The following SEC23IP variants were observed in gnomAD, a reference collection of about 807,000 sequenced individuals.
The protein encoded by SEC23IP is SEC23-interacting protein.
A neutral mutation model predicts 113.4 loss-of-function variants in SEC23IP; 70 were observed. The ratio of observed to expected loss-of-function variants is 0.62; its 90% CI spans 0.51 to 0.75. The LOEUF is 0.75. Ranked by LOEUF, SEC23IP falls within the 30% of genes least tolerant of loss-of-function variation. SEC23IP has a pLI of 0.00. For synonymous variants in SEC23IP, 398 were observed against 421.0 expected, an observed-to-expected ratio of 0.95 and a Z score of 0.67; for missense variants, 1,160 against 1,204.9, an observed-to-expected ratio of 0.96 and a Z score of 0.55.
At chr10:119,925,695 C>T (rs1855396642) in intron 12 of SEC23IP, among the ~76,000 whole-genome samples, 1 of 151,950 alleles carries the variant, frequency 6.6e-6, no homozygotes, top group Admixed American at 6.6e-5. Context: ...GTGTGCACTA[C>T]CAGGCCTGGC....
chr10:119,912,658 T>TC (rs1854905266), intron 6 of SEC23IP, among the ~76,000 whole-genome samples: 1 of 150,082 alleles, frequency 6.7e-6, no homozygotes, highest in Non-Finnish European at 1.5e-5. Flanking sequence ...TTTTTTTTTT[T>TC]CAGACAGGGT....
chr10:119,934,702 T>C (rs866651562), intron 18 of SEC23IP, among the ~76,000 whole-genome samples: 3 of 152,258 alleles, frequency 2.0e-5, no homozygotes, highest in African/African-American at 4.8e-5. Flanking sequence ...GGTTTTCTAA[T>C]AGTAAGTGGT....
At chr10:119,897,271 A>G (rs1854310676) in intron 1 of SEC23IP, among the ~76,000 whole-genome samples, 1 of 152,252 alleles carries the variant, frequency 6.6e-6, no homozygotes, top group African/African-American at 2.4e-5. Context: ...AAAGTTTCGT[A>G]AGGAATAATA....
At chr10:119,912,011 T>C (rs764309176) in intron 5 of SEC23IP, 33 bp from the exon 6 acceptor site, 1 of 1,611,100 alleles carries the variant, frequency 6.2e-7, no homozygotes, top group Non-Finnish European at 8.5e-7. Context: ...AATTTGTTAA[T>C]GAGCTTTGTC....
intron 1 of SEC23IP, among the ~76,000 whole-genome samples, chr10:119,893,897 C>G (rs1291442343): frequency 6.6e-6 from 1 of 152,150 alleles, no homozygotes; most frequent in Non-Finnish European, 1.5e-5. Flanking sequence ...ATGTGCACTC[C>G]TAGCTCTTTT....
rs1312984561 is a variant in SEC23IP, at chr10:119,929,657, C to A, written c.2364C>A (p.Ala788=). Residue 788 remains alanine, a synonymous_variant, in exon 14 of 19, where the codon GCC becomes GCA. Coordinates refer to ENST00000369075, the MANE Select transcript of SEC23IP (RefSeq NM_007190.4). ...SLDFEPEIFF[A]LGSPIAMFLT... ...ATTTTGAACCAGAGATATTCTTTGC[C>A]TTGGGGTCTCCAATTGCTATGTTTC... 6.2e-7 allele frequency: 1 copy of A among 1,609,284 alleles called. No homozygotes were observed. Among genetic ancestry groups the A allele is most frequent in the Non-Finnish European group, 8.5e-7 (1 of 1,175,658 alleles).
chr10:119,927,865 T>C (rs1855472783), intron 13 of SEC23IP, among the ~76,000 whole-genome samples: 1 of 152,200 alleles, frequency 6.6e-6, no homozygotes, highest in South Asian at 2.1e-4. Flanking sequence ...GTTAAGTTGG[T>C]AGACATAGGG....
Position 119,943,658 on chromosome 10 carries a change from A to G in SEC23IP, c.*3093A>G, listed in dbSNP as rs1430694605. 1 of 152,250 alleles carries G rather than the reference A, an allele frequency of 6.6e-6. No individual in the cohort carries two copies. Among genetic ancestry groups the G allele is most frequent in the Non-Finnish European group, 1.5e-5 (1 of 68,048 alleles). The allele number at this position is 152,250 out of a possible 1,614,324, so 9.4% of individuals were successfully genotyped here. A position where few individuals can be genotyped will look rare whatever the true frequency, so the allele number is the denominator to read the frequency against. ...GATTTCCCGAATGTATTGGTCCCAGAGAACACTGAAAATAATGTCATGTTG... is the reference window on the plus strand; with the variant it reads ...GATTTCCCGAATGTATTGGTCCCAGGGAACACTGAAAATAATGTCATGTTG... On this transcript the variant is annotated 3_prime_UTR_variant, in exon 19 of 19. Coordinates refer to ENST00000369075, the MANE Select transcript of SEC23IP (RefSeq NM_007190.4).
At chr10:119,925,993 A>T in intron 12 of SEC23IP, 43 bp from the exon 13 acceptor site, 1 of 1,522,780 alleles carries the variant, frequency 6.6e-7, no homozygotes, top group Non-Finnish European at 8.9e-7. Context: ...TGAGAGCTGA[A>T]CTTTTTCTCA....
intron 3 of SEC23IP, 75 bp from the exon 4 acceptor site, chr10:119,904,009 T>C (rs1564907606): frequency 6.6e-7 from 1 of 1,503,812 alleles, no homozygotes. Context: ...CATGAGCCAC[T>C]GCGCCCAGCA....
intron 1 of SEC23IP, among the ~76,000 whole-genome samples, chr10:119,897,322 T>G (rs1436916870): frequency 1.3e-5 from 2 of 152,244 alleles, no homozygotes; most frequent in African/African-American, 4.8e-5. Context: ...GAAGATGCTT[T>G]TATTTTACAA....
At chr10:119,927,178 A>G (rs188538725) in intron 13 of SEC23IP, among the ~76,000 whole-genome samples, 77 of 152,364 alleles carry the variant, frequency 5.1e-4, no homozygotes, top group African/African-American at 1.8e-3. Flanking sequence ...GATTACAGGC[A>G]TGAGCTACTG....
At chr10:119,904,552 TTTG>T (rs1463497263) in intron 4 of SEC23IP, 1 of 319,400 alleles carries the variant, frequency 3.1e-6, no homozygotes. Context: ...GCCGCTGGGA[TTTG>T]TTGTTGATAG....
chr10:119,925,735 T>C (rs973757550), intron 12 of SEC23IP, among the ~76,000 whole-genome samples: 2 of 151,888 alleles, frequency 1.3e-5, no homozygotes, highest in African/African-American at 4.8e-5. Flanking sequence ...GAGATGGAGG[T>C]CTCACTATGT....
At chr10:119,894,042 G>A (rs1264637421) in intron 1 of SEC23IP, among the ~76,000 whole-genome samples, 1 of 152,148 alleles carries the variant, frequency 6.6e-6, no homozygotes, top group Non-Finnish European at 1.5e-5. Flanking sequence ...GTGACTGTAG[G>A]CATTTTACTT....
At chr10:119,905,796 A>G (rs1283299343) in intron 4 of SEC23IP, among the ~76,000 whole-genome samples, 1 of 152,206 alleles carries the variant, frequency 6.6e-6, no homozygotes, top group African/African-American at 2.4e-5. Context: ...TATAAAATTA[A>G]CATACGTAAA....
chr10:119,928,722 GA>G (rs1425847082), intron 13 of SEC23IP, among the ~76,000 whole-genome samples: 4 of 152,328 alleles, frequency 2.6e-5, no homozygotes, highest in Middle Eastern at 3.4e-3. Context: ...ACAAATGAAA[GA>G]GCTTTGCAAA....
intron 10 of SEC23IP, among the ~76,000 whole-genome samples, 174 bp downstream of exon 10, chr10:119,918,685 C>G (rs1458497332): frequency 6.6e-6 from 1 of 152,156 alleles, no homozygotes. Context: ...TGGCCTCAAG[C>G]GATCCTCCTG....
chr10:119,921,106 A>G, intron 12 of SEC23IP, 122 bp downstream of exon 12: 2 of 625,940 alleles, frequency 3.2e-6, no homozygotes, highest in East Asian at 2.9e-5. Context: ...CCTAGGGCAC[A>G]GTAATGGAGC....
Sources: gnomAD v4.1 joint callset for allele counts (sites outside exome capture counted in the v4.1 genomes callset) on GRCh38, gnomAD v4.1.1 for gene constraint, MANE v1.5 for transcripts, NCBI Gene and HGNC (gene_info 2026-07-23, HGNC 2026-07-21) for gene names.